The following SLC13A4 variants were observed in gnomAD, a reference collection of about 807,000 sequenced individuals.
SLC13A4 encodes the protein Na(+)/sulfate cotransporter SUT-1.
A neutral mutation model predicts 72.7 loss-of-function variants in SLC13A4; 28 were observed. That is an observed-to-expected ratio of 0.39 (90% CI 0.29 to 0.53). The LOEUF (loss-of-function observed/expected upper bound fraction) is 0.53. SLC13A4 is among the 20% of genes least tolerant of loss of function. SLC13A4 has a pLI of 0.78. For synonymous variants in SLC13A4, 312 were observed against 325.5 expected (o/e 0.96, Z 0.45); for missense variants, 653 against 788.0 (o/e 0.83, Z 2.05).
chr7:135,699,798 G>A (rs543974940), intron 7 of SLC13A4, among the ~76,000 whole-genome samples: 3 of 152,202 alleles, frequency 2.0e-5, no homozygotes, highest in Admixed American at 6.5e-5. Context: ...TATGTAAAGC[G>A]CTTAGAACAC....
At chr7:135,708,917 A>ATTT (rs59407311) in intron 2 of SLC13A4, among the ~76,000 whole-genome samples, 9 of 71,446 alleles carry the variant, frequency 1.3e-4, no homozygotes, top group East Asian at 4.6e-4. Flanking sequence ...GTCTTGCTCA[A>ATTT]TTTTTTTTTT....
chr7:135,705,772 T>C, intron 4 of SLC13A4, 122 bp from the exon 5 acceptor site: 1 of 805,796 alleles, frequency 1.2e-6, no homozygotes, highest in Non-Finnish European at 2.1e-6. Flanking sequence ...ACATTTCTCC[T>C]TCCCTTTGCT....
At position 135,727,390 on chromosome 7, in the gene SLC13A4, GTACTC is replaced by G; in HGVS notation, c.99+3_99+7del. 6.5e-7 allele frequency: 1 copy of G among 1,548,798 alleles called. No individual in the cohort carries two copies. The highest frequency in any genetic ancestry group is 8.7e-7 in the Non-Finnish European group (1 of 1,146,768). The stretch of plus-strand genomic sequence containing the variant: ...CCAGACCCCCGGTGGGCGCAGGTCG[GTACTC>G]ACGCTGCTGGGGTGGAGGACGGGCA... On this transcript the variant is annotated splice_donor_5th_base_variant and intron_variant, in intron 1 of 15. Coordinates refer to ENST00000682651, the MANE Select transcript of SLC13A4 (RefSeq NM_001318192.2).
At chr7:135,712,150 T>G (rs1030240257) in intron 2 of SLC13A4, among the ~76,000 whole-genome samples, 3 of 151,498 alleles carry the variant, frequency 2.0e-5, no homozygotes, top group African/African-American at 7.3e-5. Context: ...TTATCTTCAT[T>G]TATAATCGCA....
At chr7:135,701,790 GGAAGAGGAAGTGGTGAGCCAGGT>G in intron 6 of SLC13A4, 30 bp from the exon 7 acceptor site, 1 of 1,605,522 alleles carries the variant, frequency 6.2e-7, no homozygotes. Flanking sequence ...CTCACTATTA[GGAAGAGGAAGTGGTGAGCCAGGT>G]GCCTCGAGAA....
intron 15 of SLC13A4, among the ~76,000 whole-genome samples, chr7:135,682,511 T>C (rs1795525522): frequency 6.6e-6 from 1 of 152,196 alleles, no homozygotes; most frequent in South Asian, 2.1e-4. Context: ...TGCTGGGAAA[T>C]TGTTTCAAGC....
chr7:135,683,426 A>G (rs1373816732), intron 15 of SLC13A4: 17 of 984,214 alleles, frequency 1.7e-5, no homozygotes, highest in Non-Finnish European at 1.8e-5. Flanking sequence ...TTTGGCTCCC[A>G]TGAAAAAAAA....
chr7:135,701,898 A>G (rs995568677), intron 6 of SLC13A4, 138 bp from the exon 7 acceptor site: 1 of 734,026 alleles, frequency 1.4e-6, no homozygotes. Context: ...CAGGGGGAGC[A>G]TATACACCAG....
intron 8 of SLC13A4, among the ~76,000 whole-genome samples, chr7:135,695,901 A>C (rs1795893564): frequency 1.3e-5 from 2 of 152,306 alleles, no homozygotes; most frequent in South Asian, 4.1e-4. Flanking sequence ...ACAATTCTGG[A>C]GAATCTGGAG....
At position 135,681,443 on chromosome 7, in the gene SLC13A4, C is replaced by A; in HGVS notation, c.*120G>T. ...GCGGAATCTTCTGGTGGAGGGATGC[C>A]CTCCGGCGTGGGTCTGGGGTTGTGT... On this transcript the variant is annotated 3_prime_UTR_variant, in exon 16 of 16. Transcript: ENST00000682651. 1 of 1,276,178 alleles carries A rather than the reference C, an allele frequency of 7.8e-7. No homozygotes were observed. The highest frequency in any genetic ancestry group is 1.1e-6 in the Non-Finnish European group (1 of 932,216). 79.1% of individuals were successfully genotyped at this position (1,276,178 alleles called of 1,614,324 possible).
In SLC13A4 at chr7:135,705,812, G is replaced by T. The variant is rs1796147466; in HGVS notation, c.539-162C>A. 4.5e-6 allele frequency: 3 copies of T among 662,248 alleles called. No individual in the cohort carries two copies. In the South Asian group the frequency reaches 5.5e-5, roughly 12 times the overall value. 41.0% of individuals were successfully genotyped at this position (662,248 alleles called of 1,614,324 possible). On this transcript the variant is annotated intron_variant, in intron 4 of 15. Coordinates refer to ENST00000682651, the MANE Select transcript of SLC13A4 (RefSeq NM_001318192.2). ...AAATAGAATGGGGCTCATGGATGCA[G>T]ACTGGCCCCAGGGTTTTGCAGTGAT...
At chr7:135,726,897 A>C (rs1796669976) in intron 1 of SLC13A4, among the ~76,000 whole-genome samples, 1 of 152,204 alleles carries the variant, frequency 6.6e-6, no homozygotes. Context: ...AACTGTGGTC[A>C]TCGAAGCCCA....
At chr7:135,683,484 C>A (rs548887126) in intron 15 of SLC13A4, 128 of 978,482 alleles carry the variant, frequency 1.3e-4, no homozygotes, top group South Asian at 1.0e-3. Context: ...TCCTCTCCCC[C>A]CCCGCTCAGC....
chr7:135,707,139 C>A (rs1335995174), intron 3 of SLC13A4, among the ~76,000 whole-genome samples: 1 of 152,210 alleles, frequency 6.6e-6, no homozygotes, highest in African/African-American at 2.4e-5. Context: ...ACACGGGTAA[C>A]TGCCTCTGGG....
chr7:135,710,353 G>A (rs1393882617), intron 2 of SLC13A4, among the ~76,000 whole-genome samples: 6 of 152,120 alleles, frequency 3.9e-5, no homozygotes, highest in Non-Finnish European at 5.9e-5. Flanking sequence ...CCGAGATCGC[G>A]CCACTGCACT....
intron 2 of SLC13A4, among the ~76,000 whole-genome samples, chr7:135,708,908 T>A (rs2129494901): frequency 1.4e-5 from 2 of 147,454 alleles, no homozygotes; most frequent in Middle Eastern, 6.9e-3. Flanking sequence ...TGAGACAGAG[T>A]CTTGCTCAAT....
chr7:135,705,653 A>G lies in SLC13A4; in HGVS notation c.539-3T>C. The G allele has an allele frequency of 1.2e-6, 2 of 1,613,830 alleles. No individual in the cohort carries two copies. The highest frequency in any genetic ancestry group is 8.5e-7 in the Non-Finnish European group (1 of 1,179,718). ...TTGGCTGTTCTTTACATCCAGACCT[A>G]TGAGTAGCAAAGAAAAGCAGTATGT... On this transcript the variant is annotated splice_region_variant and splice_polypyrimidine_tract_variant and intron_variant, in intron 4 of 15. Coordinates refer to ENST00000682651, the MANE Select transcript of SLC13A4 (RefSeq NM_001318192.2).
At chr7:135,696,338 CTTTTATTT>C (rs1162057546) in intron 8 of SLC13A4, among the ~76,000 whole-genome samples, 1 of 152,006 alleles carries the variant, frequency 6.6e-6, no homozygotes. Context: ...CTCTACTTTC[CTTTTATTT>C]TTTTATTTTT....
chr7:135,693,462 A>G (rs1471295399), intron 10 of SLC13A4: 1 of 79,962 alleles, frequency 1.3e-5, no homozygotes, highest in African/African-American at 5.7e-5. Context: ...AATCCAGTCA[A>G]TTTTGATTTT....
Sources: gnomAD v4.1 joint callset for allele counts (sites outside exome capture counted in the v4.1 genomes callset) on GRCh38, gnomAD v4.1.1 for gene constraint, MANE v1.5 for transcripts, NCBI Gene and HGNC (gene_info 2026-07-23, HGNC 2026-07-21) for gene names.